COP1: variants seen among roughly 807,000 people sequenced by gnomAD.
COP1 encodes the protein COP1 E3 ubiquitin ligase.
A neutral mutation model predicts 101.3 loss-of-function variants in COP1; 24 were observed. That is an observed-to-expected ratio of 0.24 (90% confidence interval 0.17 to 0.33). COP1 has a LOEUF of 0.33. COP1 is among the 10% of genes least tolerant of loss of function. COP1 has a pLI of 1.00. For missense variants in COP1, 663 were observed against 906.2 expected (o/e 0.73, Z 3.45); for synonymous variants, 347 against 341.9 (o/e 1.01, Z -0.17).
intron 9 of COP1, among the ~76,000 whole-genome samples, chr1:176,104,099 T>A (rs1683901670): frequency 6.6e-6 from 1 of 152,150 alleles, no homozygotes; most frequent in Non-Finnish European, 1.5e-5. Context: ...AGCAGATGGA[T>A]AAACTTTTTA....
At chr1:176,170,206 C>T (rs1345819893) in intron 3 of COP1, among the ~76,000 whole-genome samples, 1 of 152,202 alleles carries the variant, frequency 6.6e-6, no homozygotes, top group Non-Finnish European at 1.5e-5. Flanking sequence ...AATCAACTTC[C>T]ACCAAACTCC....
intron 14 of COP1, among the ~76,000 whole-genome samples, chr1:176,042,423 C>T (rs1281829411): frequency 6.8e-6 from 1 of 146,590 alleles, no homozygotes; most frequent in Non-Finnish European, 1.5e-5. Flanking sequence ...ATTAGCCAGG[C>T]ATGGTGGTGG....
chr1:176,170,164 T>C (rs1475957600), intron 3 of COP1, among the ~76,000 whole-genome samples: 1 of 152,232 alleles, frequency 6.6e-6, no homozygotes, highest in Non-Finnish European at 1.5e-5. Flanking sequence ...TACTGAAGTC[T>C]TGAACCCTTC....
intron 15 of COP1, among the ~76,000 whole-genome samples, chr1:175,989,883 A>G (rs908649374): frequency 6.6e-6 from 1 of 152,164 alleles, no homozygotes; most frequent in African/African-American, 2.4e-5. Flanking sequence ...TACTAAATTT[A>G]ACCAGCAGTT....
At chr1:176,133,915 T>C (rs1043546955) in intron 8 of COP1, 1 of 426,092 alleles carries the variant, frequency 2.3e-6, no homozygotes, top group Admixed American at 2.6e-5. Flanking sequence ...AAGATAACAA[T>C]ATACACAGAC....
At position 175,984,204 on chromosome 1, in the gene COP1, T is replaced by C. The variant is rs1237141405; in HGVS notation, c.2133+2739A>G. ...GGCCTGGAGACCCCAGAGGAAAAAGTTGTTTCCTGGGCCAGGTCCAGGGTT... is the reference window on the plus strand; with the variant it reads ...GGCCTGGAGACCCCAGAGGAAAAAGCTGTTTCCTGGGCCAGGTCCAGGGTT... On this transcript the variant is annotated intron_variant, in intron 18 of 19. Coordinates refer to ENST00000367669, the MANE Select transcript of COP1 (RefSeq NM_022457.7). Among the ~76,000 whole-genome samples the C allele has an allele frequency of 2.6e-5, 4 of 152,200 alleles. No individual in the cohort carries two copies. The East Asian group carries it at 7.8e-4, about 30-fold the overall frequency.
intron 15 of COP1, among the ~76,000 whole-genome samples, chr1:176,009,861 A>T (rs1320245139): frequency 1.8e-5 from 2 of 112,836 alleles, no homozygotes; most frequent in Admixed American, 1.1e-4. Context: ...ATGTTAAGTT[A>T]TAAGTTTAGG....
At chr1:175,992,609 C>G (rs770479556) in intron 15 of COP1, among the ~76,000 whole-genome samples, 5 of 152,234 alleles carry the variant, frequency 3.3e-5, no homozygotes, top group Non-Finnish European at 7.3e-5. Flanking sequence ...GCACCTGGCT[C>G]GGAGGGTCCT....
intron 11 of COP1, among the ~76,000 whole-genome samples, chr1:176,068,382 G>GA (rs1676380895): frequency 6.6e-6 from 1 of 152,106 alleles, no homozygotes; most frequent in Non-Finnish European, 1.5e-5. Context: ...ACATAGCACA[G>GA]ACTACAGGAT....
chr1:176,174,872 T>G (rs752240425), intron 3 of COP1, among the ~76,000 whole-genome samples: 4 of 152,192 alleles, frequency 2.6e-5, no homozygotes, highest in Non-Finnish European at 5.9e-5. Context: ...AGCTTATTAT[T>G]CATTCCCAAA....
chr1:175,972,810 T>C (rs1030158517), intron 18 of COP1, among the ~76,000 whole-genome samples: 2 of 152,052 alleles, frequency 1.3e-5, no homozygotes, highest in Non-Finnish European at 2.9e-5. Context: ...TTTAGCTCAT[T>C]GAGAATAACT....
intron 10 of COP1, among the ~76,000 whole-genome samples, chr1:176,081,713 T>C (rs187228173): frequency 5.0e-4 from 76 of 152,216 alleles, no homozygotes; most frequent in African/African-American, 1.8e-3. Flanking sequence ...TAAAATCCCG[T>C]TTATAATAAC....
At chr1:176,136,433 C>T in intron 7 of COP1, 55 bp downstream of exon 7, 1 of 1,218,990 alleles carries the variant, frequency 8.2e-7, no homozygotes, top group Non-Finnish European at 1.2e-6. Context: ...GGAAAGGTGA[C>T]AATTTCATGA....
chr1:175,972,610 G>A (rs773931510), intron 18 of COP1, among the ~76,000 whole-genome samples: 5 of 150,536 alleles, frequency 3.3e-5, no homozygotes, highest in South Asian at 4.2e-4. Context: ...GATTACAGGC[G>A]CCCACGGCCA....
intron 15 of COP1, among the ~76,000 whole-genome samples, chr1:176,024,130 G>C (rs975421972): frequency 1.3e-5 from 2 of 152,176 alleles, no homozygotes; most frequent in Admixed American, 1.3e-4. Flanking sequence ...GTGGTGGCTG[G>C]TGCCCGTAGT....
chr1:175,961,964 GT>G (rs1651426057), intron 18 of COP1, among the ~76,000 whole-genome samples: 2 of 152,038 alleles, frequency 1.3e-5, no homozygotes, highest in Admixed American at 1.3e-4. Context: ...AGCAGCTTAT[GT>G]ATTAGTTAAC....
At chr1:176,112,147 G>A (rs922131041) in intron 9 of COP1, among the ~76,000 whole-genome samples, 3 of 150,932 alleles carry the variant, frequency 2.0e-5, no homozygotes, top group East Asian at 1.9e-4. Context: ...AGATATTTAC[G>A]TACTGTCTCA....
chr1:175,960,864 T>G (rs1027391233), intron 18 of COP1, among the ~76,000 whole-genome samples: 1 of 152,170 alleles, frequency 6.6e-6, no homozygotes, highest in African/African-American at 2.4e-5. Context: ...AAGCACTACT[T>G]CTGGGTAAGT....
intron 1 of COP1, among the ~76,000 whole-genome samples, chr1:176,187,329 TACACATATATAC>T (rs1312842881): frequency 1.3e-5 from 2 of 151,972 alleles, no homozygotes; most frequent in Admixed American, 6.6e-5. Context: ...CACACACATA[TACACATATATAC>T]ACACATATAT....
Sources: gnomAD v4.1 joint callset for allele counts (sites outside exome capture counted in the v4.1 genomes callset) on GRCh38, gnomAD v4.1.1 for gene constraint, MANE v1.5 for transcripts, NCBI Gene and HGNC (gene_info 2026-07-23, HGNC 2026-07-21) for gene names.